Variants in GPM6B observed in about 807,000 individuals in gnomAD.
GPM6B encodes neuronal membrane glycoprotein M6-b.
In GPM6B, 4 loss-of-function variants were observed where a neutral mutation model predicts 27.2. The ratio of observed to expected loss-of-function variants is 0.15; its 90% CI spans 0.07 to 0.34. The LOEUF (loss-of-function observed/expected upper bound fraction) is 0.34. GPM6B is among the 10% of genes least tolerant of loss of function. GPM6B has a pLI of 1.00. For missense variants in GPM6B, 183 were observed against 261.9 expected (o/e 0.70, Z 2.08); for synonymous variants, 124 against 103.1 (o/e 1.20, Z -1.23).
intron 1 of GPM6B, among the ~76,000 whole-genome samples, chrX:13,872,356 T>TA (rs1412535930): frequency 9.1e-6 from 1 of 109,362 alleles, no homozygotes; most frequent in African/African-American, 3.3e-5. Context: ...TTTTTGTAGA[T>TA]ACGGGGTTTC....
At position 13,779,863 on chromosome X, in the gene GPM6B, C is replaced by T. The variant is rs1243587402; in HGVS notation, c.652G>A (p.Gly218Arg). ...CAGATCTGCTCCACACCCGTGGTCC[C>T]GTTGGTCTGCGGTGACTTGATGACT... is the stretch of plus-strand genomic sequence containing the variant. ...CEVIKSPQTN[G>R]TTGVEQICVD... Residue 218 changes from glycine to arginine, a missense_variant, in exon 5 of 8, where the codon GGG (glycine) becomes AGG (arginine). Transcript: ENST00000316715. 1.7e-6 allele frequency: 2 copies of T among 1,193,170 alleles called. No individual in the cohort carries two copies. The highest frequency in any genetic ancestry group is 2.3e-6 in the Non-Finnish European group (2 of 882,784).
intron 2 of GPM6B, among the ~76,000 whole-genome samples, chrX:13,793,747 A>C (rs1001207419): frequency 9.0e-6 from 1 of 111,465 alleles, no homozygotes; most frequent in African/African-American, 3.3e-5. Context: ...TTTTATCAGA[A>C]TTTATTGGGG....
At chrX:13,938,421 A>G (rs1330262288), upstream of GPM6B, 5 of 384,279 alleles carry the variant, frequency 1.3e-5, no homozygotes, top group Non-Finnish European at 2.0e-5. Context: ...TGAGCGGGGG[A>G]GGGGCGGGAC....
At chrX:13,935,466 T>C (rs1298076187) in intron 1 of GPM6B, among the ~76,000 whole-genome samples, 1 of 111,317 alleles carries the variant, frequency 9.0e-6, no homozygotes, top group South Asian at 3.8e-4. Flanking sequence ...CAGTGAGTTA[T>C]TACATCAGGC....
chrX:13,837,369 G>A (rs2049508814), intron 1 of GPM6B, among the ~76,000 whole-genome samples: 1 of 111,327 alleles, frequency 9.0e-6, no homozygotes, highest in South Asian at 3.8e-4. Flanking sequence ...TACACACACG[G>A]CCTTCCCCCG....
At chrX:13,938,584 C>A, upstream of GPM6B, 1 of 610,207 alleles carries the variant, frequency 1.6e-6, no homozygotes, top group Non-Finnish European at 2.2e-6. Context: ...GCCGGTGGCA[C>A]AAGTTTGCAG....
At chrX:13,932,113 C>T (rs1164083850) in intron 1 of GPM6B, among the ~76,000 whole-genome samples, 2 of 112,079 alleles carry the variant, frequency 1.8e-5, no homozygotes, top group African/African-American at 6.5e-5. Context: ...TTCTCTGTGA[C>T]CAACAGGGTA....
At position 13,907,070 on chromosome X, in the gene GPM6B, C is replaced by T. The variant is rs1336911955; in HGVS notation, c.-198+31257G>A. Among the ~76,000 whole-genome samples the T allele has an allele frequency of 8.0e-5, 9 of 112,551 alleles. No homozygotes were observed. In the East Asian group the frequency reaches 2.5e-3, roughly 31 times the overall value. On this transcript the variant is annotated intron_variant, in intron 1 of 6. Coordinates refer to the GPM6B transcript ENST00000398361. Reference sequence around the variant, plus strand: ...TGTGTCTCCTGGTAGTCCTACAGCACAATTACAGATTAATTAGGGTGTAAA... The same window carrying T: ...TGTGTCTCCTGGTAGTCCTACAGCATAATTACAGATTAATTAGGGTGTAAA...
chrX:13,796,567 T>C (rs1384952644), intron 2 of GPM6B, among the ~76,000 whole-genome samples: 5 of 112,131 alleles, frequency 4.5e-5, no homozygotes, highest in African/African-American at 1.3e-4. Flanking sequence ...CGAAATCAAA[T>C]ATAGGTTGCT....
At chrX:13,859,499 A>G (rs1253432061) in intron 1 of GPM6B, among the ~76,000 whole-genome samples, 1 of 111,288 alleles carries the variant, frequency 9.0e-6, no homozygotes, top group Non-Finnish European at 1.9e-5. Flanking sequence ...GGCTGTCTTC[A>G]GTTTGGAGCT....
At chrX:13,905,120 A>G (rs780525157) in intron 1 of GPM6B, among the ~76,000 whole-genome samples, 4 of 106,132 alleles carry the variant, frequency 3.8e-5, no homozygotes, top group Admixed American at 1.0e-4. Context: ...AGTCCCAGCT[A>G]CTCGAGAGAC....
chrX:13,938,100 C>A (rs1315499721), intron 1 of GPM6B, among the ~76,000 whole-genome samples: 1 of 110,080 alleles, frequency 9.1e-6, no homozygotes, highest in Non-Finnish European at 1.9e-5. Context: ...CAGGACTGGA[C>A]TGGGAGCTCG....
intron 3 of GPM6B, among the ~76,000 whole-genome samples, chrX:13,785,178 T>C (rs2048585949): frequency 8.9e-6 from 1 of 112,124 alleles, no homozygotes; most frequent in African/African-American, 3.2e-5. Context: ...CATGAACCTT[T>C]TTCTAACTAC....
chrX:13,777,167 G>A (rs1359536540), intron 6 of GPM6B, among the ~76,000 whole-genome samples, 185 bp downstream of exon 6: 3 of 111,889 alleles, frequency 2.7e-5, no homozygotes, highest in African/African-American at 9.7e-5. Flanking sequence ...CATATGAAGT[G>A]ACCATTTTTG....
At chrX:13,869,962 C>T (rs990391167) in intron 1 of GPM6B, among the ~76,000 whole-genome samples, 16 of 112,074 alleles carry the variant, frequency 1.4e-4, no homozygotes, top group African/African-American at 6.5e-5. Flanking sequence ...TCCTTGGTCT[C>T]CTTCAATCTG....
chrX:13,920,522 G>A (rs977746735), intron 1 of GPM6B, among the ~76,000 whole-genome samples: 2 of 110,747 alleles, frequency 1.8e-5, no homozygotes, highest in African/African-American at 3.3e-5. Context: ...AGGGAAACAC[G>A]ATACGTAAAC....
At chrX:13,904,982 C>G (rs2050314824) in intron 1 of GPM6B, among the ~76,000 whole-genome samples, 1 of 110,291 alleles carries the variant, frequency 9.1e-6, no homozygotes, top group African/African-American at 3.3e-5. Context: ...CACCTATAAT[C>G]TCAGTACTTT....
intron 1 of GPM6B, among the ~76,000 whole-genome samples, chrX:13,865,542 C>CAAAAAAAAAAAAAAAAAAAAAAAAAAA (rs1171503867): frequency 8.2e-4 from 12 of 14,620 alleles, no homozygotes; most frequent in Non-Finnish European, 1.4e-3. Context: ...TCCATCTCTT[C>CAAAAAAAAAAAAAAAAAAAAAAAAAAA]AAAAAAAAAA....
chrX:13,823,291 C>T (rs752457944), intron 1 of GPM6B, among the ~76,000 whole-genome samples: 1 of 112,004 alleles, frequency 8.9e-6, no homozygotes, highest in African/African-American at 3.2e-5. Context: ...AGAGGTGGAG[C>T]CCAGGCAGGT....
Sources: allele counts gnomAD v4.1 joint callset (sites outside exome capture counted in the v4.1 genomes callset), GRCh38; gene constraint gnomAD v4.1.1; transcripts MANE v1.5; gene names NCBI Gene and HGNC (gene_info 2026-07-23, HGNC 2026-07-21).